The following TBKBP1 variants were observed in gnomAD, a reference collection of about 807,000 sequenced individuals.
TBKBP1 encodes the protein TBK1 binding protein 1.
TBKBP1 carries 47 observed loss-of-function variants against 69.9 expected under a neutral mutation model. The observed-to-expected ratio is 0.67, with a 90% confidence interval of 0.53 to 0.86. TBKBP1 has a LOEUF of 0.86. TBKBP1 is among the 40% of genes least tolerant of loss of function. TBKBP1 has a pLI of 0.00. For synonymous variants in TBKBP1, 418 were observed against 390.3 expected (o/e 1.07, Z -0.84); for missense variants, 831 against 858.6 (o/e 0.97, Z 0.40).
chr17:47,701,380 C>T (rs879488028), intron 7 of TBKBP1, among the ~76,000 whole-genome samples: 74 of 146,588 alleles, frequency 5.0e-4, no homozygotes, highest in Non-Finnish European at 9.0e-4. Context: ...CACACACACT[C>T]TCTCTCTCTC....
chr17:47,708,588 C>A lies in TBKBP1; in HGVS notation c.991+76C>A. ...GGGTAGCCATGGCAACCATCTTGGT[C>A]ATGGGGACCACCCTTTATTTCCTTT... is the stretch of plus-strand genomic sequence containing the variant. On this transcript the variant is annotated intron_variant, in intron 8 of 9. Coordinates refer to ENST00000578982, the MANE Select transcript of TBKBP1 (RefSeq NM_001394755.1). This position sits in a 1 kb window ranked among gnomAD's most constrained non-coding sequence, Gnocchi z 4.4. 2 of 1,536,442 alleles carry A rather than the reference C, an allele frequency of 1.3e-6. No homozygotes were observed. The highest frequency in any genetic ancestry group is 1.2e-5 in the South Asian group (1 of 86,650).
chr17:47,699,026 T>TC lies in TBKBP1; in HGVS notation c.634+257dup, dbSNP rs747718478. 3.1e-4 allele frequency among the ~76,000 whole-genome samples: 46 copies of TC among 147,990 alleles called. No homozygotes were observed. In the South Asian group the frequency reaches 3.9e-3, roughly 13 times the overall value. On this transcript the variant is annotated intron_variant, in intron 5 of 9. Coordinates refer to ENST00000578982, the MANE Select transcript of TBKBP1 (RefSeq NM_001394755.1). ...CAGCAGAGGGCGCCCCCACCCAGAG[T>TC]CCCCCCGCCCCGTCTCTGGCTGTGA...
rs1379754315 is a variant in TBKBP1 at position 47,696,768 on chromosome 17, G to T, written c.283G>T (p.Asp95Tyr). Residue 95 changes from aspartate (D) to tyrosine (Y), a missense_variant, in exon 3 of 10, where the codon GAT (aspartate) becomes TAT (tyrosine). Coordinates refer to ENST00000578982, the MANE Select transcript of TBKBP1 (RefSeq NM_001394755.1). ...TGGCTTTTCTCTGTATGAAATCAAG[G>T]ATGGCTCCCTGCTGGAGGTGGAGAA... Reference protein sequence around the residue: ...EHGFSLYEIKDGSLLEVEKVS... With the variant: ...EHGFSLYEIKYGSLLEVEKVS... 6.2e-7 allele frequency: 1 copy of T among 1,614,028 alleles called. No homozygotes were observed. The highest frequency in any genetic ancestry group is 8.5e-7 in the Non-Finnish European group (1 of 1,179,880).
In TBKBP1 at chr17:47,697,265, C is replaced by G. The variant is rs555007417; in HGVS notation, c.453+72C>G. 8 of 1,354,660 alleles carry G rather than the reference C, an allele frequency of 5.9e-6. No homozygotes were observed. In the East Asian group the frequency reaches 9.8e-5, roughly 17 times the overall value. 83.9% of individuals were successfully genotyped at this position (1,354,660 alleles called of 1,614,324 possible). ...TGTGTGTGCATGTGTGCATTTAGTT[C>G]TGTGTGTGAGGATTCCAGCCTGTGA... is the stretch of plus-strand genomic sequence containing the variant. On this transcript the variant is annotated intron_variant, in intron 4 of 9. Coordinates refer to ENST00000578982, the MANE Select transcript of TBKBP1 (RefSeq NM_001394755.1).
intron 7 of TBKBP1, among the ~76,000 whole-genome samples, chr17:47,707,889 C>G (rs1319135938): frequency 2.0e-5 from 3 of 152,246 alleles, no homozygotes; most frequent in African/African-American, 7.2e-5. Flanking sequence ...GGTGAGGACT[C>G]TTCATGGATC....
At position 47,710,764 on chromosome 17, in the gene TBKBP1, G is replaced by T; in HGVS notation, c.*138G>T. On this transcript the variant is annotated 3_prime_UTR_variant, in exon 10 of 10. Transcript: ENST00000578982. The stretch of plus-strand genomic sequence containing the variant: ...TACCTCCACTTGCTACCGAGTCAAC[G>T]TGTGTGCCATCTTCCCTGGTCCAGG... The T allele has an allele frequency of 7.9e-7, 1 of 1,273,684 alleles. No homozygotes were observed. The highest frequency in any genetic ancestry group is 1.1e-6 in the Non-Finnish European group (1 of 923,034). 78.9% of individuals were successfully genotyped at this position (1,273,684 alleles called of 1,614,324 possible).
intron 4 of TBKBP1, 70 bp downstream of exon 4, chr17:47,697,263 T>TGTG: frequency 7.3e-7 from 1 of 1,372,168 alleles, no homozygotes; most frequent in South Asian, 1.3e-5. Flanking sequence ...GTGCATTTAG[T>TGTG]TCTGTGTGTG....
chr17:47,704,669 C>T (rs1017732555), intron 7 of TBKBP1, among the ~76,000 whole-genome samples: 9 of 152,200 alleles, frequency 5.9e-5, no homozygotes, highest in African/African-American at 2.2e-4. Flanking sequence ...CCGTCCCTGA[C>T]TCTAACCCTA....
chr17:47,695,885 C>T, intron 1 of TBKBP1, 194 bp from the exon 2 acceptor site: 1 of 472,168 alleles, frequency 2.1e-6, no homozygotes, highest in Non-Finnish European at 3.8e-6. Context: ...GTTCCAGCCC[C>T]TTTTCCCCAA....
intron 9 of TBKBP1, among the ~76,000 whole-genome samples, chr17:47,709,970 G>A (rs1293638812): frequency 6.6e-6 from 1 of 152,190 alleles, no homozygotes; most frequent in Non-Finnish European, 1.5e-5. Context: ...ACAGGAACAG[G>A]CCTGTTTATC....
At position 47,701,879 on chromosome 17, in the gene TBKBP1, C is replaced by T. The variant is rs539164667; in HGVS notation, c.872+2182C>T. 3.3e-5 allele frequency among the ~76,000 whole-genome samples: 5 copies of T among 152,332 alleles called. No individual in the cohort carries two copies. The South Asian group carries it at 1.0e-3, about 32-fold the overall frequency. Reference sequence around the variant, plus strand: ...GCTGGCCTCTGCTTGGGGGCTGGCCCCACAGGCTTACTGGAGGCCACCTCC... The same window carrying T: ...GCTGGCCTCTGCTTGGGGGCTGGCCTCACAGGCTTACTGGAGGCCACCTCC... On this transcript the variant is annotated intron_variant, in intron 7 of 9. Transcript: ENST00000578982.
Position 47,708,842 on chromosome 17 carries a change from G to A in TBKBP1, c.1109G>A (p.Arg370His). 1 of 1,233,748 alleles carries A rather than the reference G, an allele frequency of 8.1e-7. No individual in the cohort carries two copies. The highest frequency in any genetic ancestry group is 3.1e-5 in the Admixed American group (1 of 32,530). 76.4% of individuals were successfully genotyped at this position (1,233,748 alleles called of 1,614,324 possible). Residue 370 changes from arginine (R) to histidine (H), a missense_variant, in exon 9 of 10, where the codon CGC (arginine) becomes CAC (histidine). By Grantham distance (29) the Arg-to-His change is conservative (BLOSUM62 0). Coordinates refer to ENST00000578982, the MANE Select transcript of TBKBP1 (RefSeq NM_001394755.1). This position sits in a 1 kb window ranked among gnomAD's most constrained non-coding sequence, Gnocchi z 4.4. Reference sequence around the variant, plus strand: ...CCGTGCCAGTCCCCCGTCCCCCAGCGCCGCTCTCCCGTGCCCCCGTGCCCC... The same window carrying A: ...CCGTGCCAGTCCCCCGTCCCCCAGCACCGCTCTCCCGTGCCCCCGTGCCCC... ...CPPCQSPVPQ[R>H]RSPVPPCPSP... is the part of the protein sequence containing the mutation.
chr17:47,705,891 C>G (rs983362571), intron 7 of TBKBP1, among the ~76,000 whole-genome samples: 2 of 152,184 alleles, frequency 1.3e-5, no homozygotes, highest in African/African-American at 4.8e-5. Flanking sequence ...GTGGACAGAA[C>G]CCACCTGCCT....
At chr17:47,706,381 C>G (rs2031696708) in intron 7 of TBKBP1, among the ~76,000 whole-genome samples, 1 of 152,192 alleles carries the variant, frequency 6.6e-6, no homozygotes, top group Admixed American at 6.5e-5. Context: ...ACGTGGGACA[C>G]ACCTGGACCT....
Position 47,709,360 on chromosome 17 carries a change from G to A in TBKBP1, c.1627G>A (p.Ala543Thr), listed in dbSNP as rs2031836731. The A allele has an allele frequency of 3.3e-6, 5 of 1,527,268 alleles. No individual in the cohort carries two copies. The highest frequency in any genetic ancestry group is 2.0e-5 in the Admixed American group (1 of 50,772). The allele number at this position is 1,527,268 out of a possible 1,614,324, so 94.6% of individuals were successfully genotyped here. A position where few individuals can be genotyped will look rare whatever the true frequency, so the allele number is the denominator to read the frequency against. ...CCCGGAGGTGGGCACCATCCGCTGC[G>A]CCTCCTTCTGCGCGGGCTTCCCCAT... Reference protein sequence around the residue: ...PSPEVGTIRCASFCAGFPIPE... With the variant: ...PSPEVGTIRCTSFCAGFPIPE... The change falls in exon 9 of 10, where the codon GCC becomes ACC. Residue 543 changes from alanine to threonine, a missense_variant. Ala to Thr is a moderately conservative substitution (Grantham distance 58). Transcript: ENST00000578982.
intron 7 of TBKBP1, among the ~76,000 whole-genome samples, chr17:47,707,800 A>C (rs991679710): frequency 4.6e-5 from 7 of 152,198 alleles, no homozygotes; most frequent in African/African-American, 1.7e-4. Context: ...TTTATCAGTT[A>C]GCACCTCCAC....
Position 47,696,153 on chromosome 17 carries a change from A to G in TBKBP1, c.41A>G (p.Gln14Arg). Residue 14 changes from glutamine (Q) to arginine (R), a missense_variant, in exon 2 of 10, where the codon CAG becomes CGG. Physicochemically the swap from Gln to Arg is conservative, Grantham distance 43 (BLOSUM62 1). Coordinates refer to ENST00000578982, the MANE Select transcript of TBKBP1 (RefSeq NM_001394755.1). ...MFEDDISILT[Q>R]EALGPSEVWL... ...GAGGACGACATCAGCATCCTGACGC[A>G]GGAGGCCCTGGGGCCTAGTGAGGTG... The G allele has an allele frequency of 1.2e-6, 2 of 1,613,316 alleles. No individual in the cohort carries two copies. Among genetic ancestry groups the G allele is most frequent in the Non-Finnish European group, 1.7e-6 (2 of 1,179,710 alleles).
chr17:47,701,992 GCC>G (rs1434407513), intron 7 of TBKBP1, among the ~76,000 whole-genome samples: 13 of 152,232 alleles, frequency 8.5e-5, no homozygotes, highest in African/African-American at 3.1e-4. Flanking sequence ...CTGCTGCCCA[GCC>G]ACACGCTTCC....
chr17:47,698,263 G>C (rs1003460740), intron 4 of TBKBP1, among the ~76,000 whole-genome samples: 2 of 152,220 alleles, frequency 1.3e-5, no homozygotes, highest in African/African-American at 4.8e-5. Context: ...TTATGGATCA[G>C]GTGGGTGAAG....
Sources: allele counts gnomAD v4.1 joint callset (sites outside exome capture counted in the v4.1 genomes callset), GRCh38; gene constraint gnomAD v4.1.1; non-coding constraint Gnocchi (gnomAD v3.1); transcripts MANE v1.5; gene names NCBI Gene and HGNC (gene_info 2026-07-23, HGNC 2026-07-21).